Variants in DEPTOR observed in about 807,000 individuals in gnomAD.
The protein encoded by DEPTOR is DEP domain containing MTOR interacting protein.
DEPTOR carries 41 observed loss-of-function variants against 41.6 expected under a neutral mutation model. That is an observed-to-expected ratio of 0.98 (90% CI 0.77 to 1.28). DEPTOR has a LOEUF of 1.28. Among genes scored for constraint, DEPTOR ranks in the 50% most tolerant of loss-of-function variants. DEPTOR has a pLI of 0.00. For synonymous variants in DEPTOR, 195 were observed against 192.3 expected (o/e 1.01, Z -0.12); for missense variants, 514 against 527.9 (o/e 0.97, Z 0.26).
At chr8:119,926,276 C>T (rs1417681633) in intron 1 of DEPTOR, among the ~76,000 whole-genome samples, 1 of 152,100 alleles carries the variant, frequency 6.6e-6, no homozygotes, top group Non-Finnish European at 1.5e-5. Context: ...CTCAGATAAA[C>T]ATGATGATTC....
At chr8:119,912,480 C>G (rs530332233) in intron 1 of DEPTOR, among the ~76,000 whole-genome samples, 10 of 152,204 alleles carry the variant, frequency 6.6e-5, no homozygotes, top group Non-Finnish European at 1.5e-4. Context: ...TTGCAAGCCC[C>G]TTAACTGCAA....
At chr8:120,008,508 A>G (rs1812480804) in intron 7 of DEPTOR, among the ~76,000 whole-genome samples, 1 of 140,810 alleles carries the variant, frequency 7.1e-6, no homozygotes, top group Non-Finnish European at 1.5e-5. Flanking sequence ...AGCCTGGGTG[A>G]CAGAGCAAGA....
At chr8:119,993,115 A>G (rs753791773) in intron 4 of DEPTOR, among the ~76,000 whole-genome samples, 1 of 152,160 alleles carries the variant, frequency 6.6e-6, no homozygotes, top group Non-Finnish European at 1.5e-5. Context: ...TCCTAATAAT[A>G]TATAAGGGAG....
At chr8:120,001,490 T>C (rs1051441895) in intron 4 of DEPTOR, 35 bp from the exon 5 acceptor site, 4 of 1,563,610 alleles carry the variant, frequency 2.6e-6, no homozygotes, top group African/African-American at 2.8e-5. Flanking sequence ...GGATGCCAGA[T>C]AGTCCTCATT....
At chr8:119,888,573 A>G (rs1187122084) in intron 1 of DEPTOR, among the ~76,000 whole-genome samples, 8 of 152,184 alleles carry the variant, frequency 5.3e-5, no homozygotes, top group Non-Finnish European at 1.2e-4. Context: ...TTCTTTATCC[A>G]AGGCTGGCAC....
chr8:119,924,041 T>C (rs1201139344), intron 1 of DEPTOR, among the ~76,000 whole-genome samples: 4 of 152,176 alleles, frequency 2.6e-5, no homozygotes, highest in Admixed American at 2.6e-4. Flanking sequence ...GCAGGTGACA[T>C]CTCCTTAGCA....
intron 6 of DEPTOR, among the ~76,000 whole-genome samples, chr8:120,005,132 A>C (rs561517928): frequency 6.6e-6 from 1 of 152,286 alleles, no homozygotes; most frequent in African/African-American, 2.4e-5. Flanking sequence ...GTACAGTGTG[A>C]TTCATGTATC....
chr8:119,930,462 C>G (rs1202561564), intron 3 of DEPTOR, among the ~76,000 whole-genome samples: 1 of 152,130 alleles, frequency 6.6e-6, no homozygotes, highest in Non-Finnish European at 1.5e-5. Flanking sequence ...TTCTCAAACT[C>G]CTGACCTCAG....
intron 1 of DEPTOR, among the ~76,000 whole-genome samples, chr8:119,925,358 C>A (rs1174085600): frequency 6.6e-6 from 1 of 152,036 alleles, no homozygotes; most frequent in East Asian, 1.9e-4. Flanking sequence ...CCACTGCACT[C>A]CAGCCTGGGC....
chr8:119,933,983 G>A (rs887581728), intron 3 of DEPTOR, among the ~76,000 whole-genome samples: 5 of 152,200 alleles, frequency 3.3e-5, no homozygotes, highest in South Asian at 2.1e-4. Flanking sequence ...AGGTTCAAGC[G>A]ATTCTCATGC....
rs371142323 is a variant in DEPTOR at position 120,049,697 on chromosome 8, A to T, written c.1223A>T (p.Glu408Val). 2 of 1,613,702 alleles carry T rather than the reference A, an allele frequency of 1.2e-6. No individual in the cohort carries two copies. The highest frequency in any genetic ancestry group is 1.3e-5 in the African/African-American group (1 of 74,900). ...GTCATGGAAGTCATGGAGGAGTTAG[A>T]GTGCTGAGCTCCTGGGCCTCCCAGC... The part of the protein sequence containing the change: ...TIVMEVMEEL[E>V]C The change falls in exon 9 of 9, where the codon GAG becomes GTG. Residue 408 changes from glutamate (E) to valine (V), a missense_variant. Coordinates refer to ENST00000286234, the MANE Select transcript of DEPTOR (RefSeq NM_022783.4).
chr8:119,963,017 T>A (rs1828512541), intron 3 of DEPTOR, among the ~76,000 whole-genome samples: 1 of 152,132 alleles, frequency 6.6e-6, no homozygotes, highest in African/African-American at 2.4e-5. Context: ...TTGTTGATTT[T>A]GAGATGGCTT....
At position 119,891,843 on chromosome 8, in the gene DEPTOR, G is replaced by A. The variant is rs571507063; in HGVS notation, c.122+17875G>A. Reference sequence around the variant, plus strand: ...TCTCTTTGTATAAGCAAAGCTACTTGAGGAATAATTAAGATGCAGACTTCT... The same window carrying A: ...TCTCTTTGTATAAGCAAAGCTACTTAAGGAATAATTAAGATGCAGACTTCT... On this transcript the variant is annotated intron_variant, in intron 1 of 8. Transcript: ENST00000286234. Among the ~76,000 whole-genome samples the A allele has an allele frequency of 6.0e-4, 91 of 152,320 alleles. 1 individual carries two copies. The Middle Eastern group carries it at 0.017, about 28-fold the overall frequency.
chr8:119,961,215 G>A (rs116890840), intron 3 of DEPTOR, among the ~76,000 whole-genome samples: 5,454 of 151,528 alleles, frequency 0.036, 106 homozygotes, highest in African/African-American at 0.052. Context: ...TTGGGAGTTC[G>A]AGACCAGCCT....
intron 7 of DEPTOR, 140 bp downstream of exon 7, chr8:120,007,015 G>C (rs987134151): frequency 1.3e-6 from 1 of 794,294 alleles, no homozygotes; most frequent in Non-Finnish European, 2.0e-6. Flanking sequence ...TATGATACTA[G>C]GCTTTCTTGA....
chr8:119,924,716 T>C (rs1757340311), intron 1 of DEPTOR, among the ~76,000 whole-genome samples: 1 of 152,212 alleles, frequency 6.6e-6, no homozygotes, highest in South Asian at 2.1e-4. Flanking sequence ...ATTCATTTAT[T>C]TTTATTTTAT....
At chr8:120,040,744 A>G (rs930019538) in intron 8 of DEPTOR, among the ~76,000 whole-genome samples, 1 of 152,204 alleles carries the variant, frequency 6.6e-6, no homozygotes, top group Non-Finnish European at 1.5e-5. Context: ...TTCCTAACGT[A>G]AGTATTCTAG....
chr8:119,997,992 T>G (rs1007213446), intron 4 of DEPTOR, among the ~76,000 whole-genome samples: 2 of 152,360 alleles, frequency 1.3e-5, no homozygotes, highest in Non-Finnish European at 2.9e-5. Flanking sequence ...TTGTTTAACT[T>G]CTGTTTTTAC....
intron 1 of DEPTOR, among the ~76,000 whole-genome samples, chr8:119,902,424 C>A (rs1163721505): frequency 1.3e-5 from 2 of 152,154 alleles, no homozygotes; most frequent in African/African-American, 4.8e-5. Flanking sequence ...ACTGCAGCCT[C>A]TGCCTCCCTG....
Sources: allele counts gnomAD v4.1 joint callset (sites outside exome capture counted in the v4.1 genomes callset), GRCh38; gene constraint gnomAD v4.1.1; transcripts MANE v1.5; gene names NCBI Gene and HGNC (gene_info 2026-07-23, HGNC 2026-07-21).